Variants in OIT3 observed in about 807,000 individuals in gnomAD.
OIT3 encodes oncoprotein-induced transcript 3 protein.
Under a neutral mutation model 52.2 loss-of-function variants are expected in OIT3, and 41 were observed. The observed-to-expected ratio is 0.79, with a 90% CI of 0.61 to 1.02. The LOEUF is 1.02. Ranked by LOEUF, OIT3 falls within the 50% of genes least tolerant of loss-of-function variation. OIT3 has a pLI of 0.00. For missense variants in OIT3, 634 were observed against 715.5 expected (o/e 0.89, Z 1.30); for synonymous variants, 244 against 276.9 (o/e 0.88, Z 1.18).
chr10:72,899,710 TAGATAGATA>T (rs1564589149), intron 2 of OIT3, among the ~76,000 whole-genome samples: 12 of 71,102 alleles, frequency 1.7e-4, no homozygotes, highest in African/African-American at 7.1e-4. Flanking sequence ...AGATGATAGA[TAGATAGATA>T]GATAGATAGA....
intron 1 of OIT3, among the ~76,000 whole-genome samples, chr10:72,894,220 T>C (rs1249348821): frequency 6.6e-6 from 1 of 152,222 alleles, no homozygotes; most frequent in African/African-American, 2.4e-5. Context: ...AGAATTTTTC[T>C]TTAATGAAGG....
intron 6 of OIT3, 66 bp downstream of exon 6, chr10:72,913,534 G>C (rs1846049170): frequency 1.6e-6 from 2 of 1,284,468 alleles, no homozygotes; most frequent in Admixed American, 3.4e-5. Context: ...GCAGTGGACA[G>C]AGGTATGCCA....
intron 3 of OIT3, among the ~76,000 whole-genome samples, chr10:72,901,433 T>C (rs1845934215): frequency 6.6e-6 from 1 of 152,186 alleles, no homozygotes; most frequent in South Asian, 2.1e-4. Flanking sequence ...TTGAATATTA[T>C]TTCTCTTTCT....
At chr10:72,918,682 G>A in intron 6 of OIT3, 1 of 591,420 alleles carries the variant, frequency 1.7e-6, no homozygotes, top group Middle Eastern at 4.6e-4. Flanking sequence ...ATGGTGTAAG[G>A]AAGGGGTCCA....
At chr10:72,931,529 T>C (rs1846216338) in intron 8 of OIT3, among the ~76,000 whole-genome samples, 1 of 151,846 alleles carries the variant, frequency 6.6e-6, no homozygotes, top group Admixed American at 6.6e-5. Flanking sequence ...ACAGACAAGG[T>C]GTATTGGAAG....
chr10:72,925,931 G>A (rs1417798615), intron 7 of OIT3, among the ~76,000 whole-genome samples: 2 of 152,358 alleles, frequency 1.3e-5, no homozygotes, highest in African/African-American at 2.4e-5. Flanking sequence ...ATACAAAAGA[G>A]AGTTCCATGG....
intron 1 of OIT3, 94 bp from the exon 2 acceptor site, chr10:72,898,570 A>T: frequency 8.3e-7 from 1 of 1,204,398 alleles, no homozygotes; most frequent in Non-Finnish European, 1.2e-6. Flanking sequence ...GAATTCAAAA[A>T]TGTCCAAATG....
intron 3 of OIT3, among the ~76,000 whole-genome samples, chr10:72,902,965 T>C (rs1390947487): frequency 6.6e-6 from 1 of 152,204 alleles, no homozygotes; most frequent in Admixed American, 6.5e-5. Flanking sequence ...TTAATTTATC[T>C]TAGACAATCT....
Position 72,924,660 on chromosome 10 carries a change from G to A in OIT3, c.1367+16G>A. On this transcript the variant is annotated intron_variant, in intron 7 of 8. Coordinates refer to ENST00000334011, the MANE Select transcript of OIT3 (RefSeq NM_152635.3). The stretch of plus-strand genomic sequence containing the variant: ...TCCGGGATGGGTAATGCTGCTGCAA[G>A]AATGGTCTCATCACCCCTAGTTCAC... 6.3e-7 allele frequency: 1 copy of A among 1,579,778 alleles called. No homozygotes were observed. The highest frequency in any genetic ancestry group is 8.6e-7 in the Non-Finnish European group (1 of 1,160,102).
intron 1 of OIT3, among the ~76,000 whole-genome samples, 153 bp downstream of exon 1, chr10:72,894,012 C>T (rs1431418988): frequency 6.6e-6 from 1 of 152,148 alleles, no homozygotes; most frequent in Non-Finnish European, 1.5e-5. Flanking sequence ...AAATAGATTT[C>T]CCGAGAATTT....
At position 72,906,601 on chromosome 10, in the gene OIT3, A is replaced by G. The variant is rs1235244810; in HGVS notation, c.550A>G (p.Asn184Asp). The change falls in exon 4 of 9, where the codon AAT becomes GAT. Residue 184 changes from asparagine (N) to aspartate (D), a missense_variant. Asn to Asp is a conservative substitution (Grantham distance 23). Coordinates refer to ENST00000334011, the MANE Select transcript of OIT3 (RefSeq NM_152635.3). ...GPDRQTCFDE[N>D]ECEQNNGGCS... The stretch of plus-strand genomic sequence containing the variant: ...GTGTGGTTTCTCTTCTGCAGATGAA[A>G]ATGAATGTGAGCAAAACAACGGTGG... 2 of 1,614,004 alleles carry G rather than the reference A, an allele frequency of 1.2e-6. No homozygotes were observed. Among genetic ancestry groups the G allele is most frequent in the Non-Finnish European group, 1.7e-6 (2 of 1,179,922 alleles).
In OIT3 at chr10:72,932,616, G is replaced by A. The variant is rs1310190182; in HGVS notation, c.*92G>A. 1 of 1,199,900 alleles carries A rather than the reference G, an allele frequency of 8.3e-7. No individual in the cohort carries two copies. The highest frequency in any genetic ancestry group is 1.2e-6 in the Non-Finnish European group (1 of 863,084). The allele number at this position is 1,199,900 out of a possible 1,614,324, so 74.3% of individuals were successfully genotyped here. On this transcript the variant is annotated 3_prime_UTR_variant, in exon 9 of 9. Coordinates refer to ENST00000334011, the MANE Select transcript of OIT3 (RefSeq NM_152635.3). ...CCTCTAAGAACATCTGCCAACAGCT[G>A]GGTTCAGACTTCACACTGTGAGTTC...
At chr10:72,917,499 A>G in intron 6 of OIT3, 6 of 549,390 alleles carry the variant, frequency 1.1e-5, no homozygotes, top group Non-Finnish European at 2.0e-5. Flanking sequence ...CATTCTTGGC[A>G]ATGGAACCTG....
In OIT3 at chr10:72,932,340, G is replaced by A. The variant is rs574493075; in HGVS notation, c.1468-14G>A. ...AGTTATTGTTTTTATTAACAGTCGT[G>A]ATCATCTCTTCAGGAAGTGTTTCTG... On this transcript the variant is annotated splice_polypyrimidine_tract_variant and intron_variant, in intron 8 of 8. Transcript: ENST00000334011. The A allele has an allele frequency of 2.5e-6, 4 of 1,613,594 alleles. No individual in the cohort carries two copies. Among genetic ancestry groups the A allele is most frequent in the African/African-American group, 1.3e-5 (1 of 75,056 alleles).
intron 3 of OIT3, among the ~76,000 whole-genome samples, chr10:72,901,036 C>A (rs1305194748): frequency 1.3e-5 from 2 of 151,946 alleles, no homozygotes; most frequent in African/African-American, 2.4e-5. Context: ...CCACTGCTCT[C>A]TAGCTTGGGT....
chr10:72,904,847 A>AT (rs982708251), intron 3 of OIT3, among the ~76,000 whole-genome samples: 2 of 152,176 alleles, frequency 1.3e-5, no homozygotes, highest in Non-Finnish European at 2.9e-5. Context: ...CTATAAAGGA[A>AT]TACCTGAGGC....
intron 4 of OIT3, among the ~76,000 whole-genome samples, chr10:72,909,021 T>C (rs1425521013): frequency 2.0e-5 from 3 of 151,886 alleles, no homozygotes; most frequent in Admixed American, 1.3e-4. Flanking sequence ...TGGGTTTCTA[T>C]TGAGCCCATC....
intron 6 of OIT3, among the ~76,000 whole-genome samples, chr10:72,917,034 A>AT (rs376946155): frequency 1.1e-3 from 172 of 152,002 alleles, no homozygotes; most frequent in African/African-American, 3.9e-3. Context: ...TTTCTTATAA[A>AT]TTTCTTTAAG....
At chr10:72,897,581 A>G (rs546548688) in intron 1 of OIT3, among the ~76,000 whole-genome samples, 2 of 152,326 alleles carry the variant, frequency 1.3e-5, no homozygotes, top group Non-Finnish European at 2.9e-5. Flanking sequence ...AAAGTAGGTG[A>G]CATGTGCCCG....
Sources: gnomAD v4.1 joint callset for allele counts (sites outside exome capture counted in the v4.1 genomes callset) on GRCh38, gnomAD v4.1.1 for gene constraint, MANE v1.5 for transcripts, NCBI Gene and HGNC (gene_info 2026-07-23, HGNC 2026-07-21) for gene names.